Variants in AFG2A observed in about 807,000 individuals in gnomAD.
AFG2A encodes the protein AAA ATPase AFG2A, also known as ATPase family gene 2 protein homolog A.
the AFG2A span, among the ~76,000 whole-genome samples, chr4:123,052,640 C>T: frequency 6.6e-6 from 1 of 152,154 alleles, no homozygotes. Context: ...GTTTCCTGAG[C>T]CTGTGACCAC....
chr4:122,949,981 T>C, the AFG2A span, among the ~76,000 whole-genome samples: 1 of 152,244 alleles, frequency 6.6e-6, no homozygotes, highest in Non-Finnish European at 1.5e-5. Context: ...CCCAGTAGGT[T>C]GGTCCTGTGG....
the AFG2A span, among the ~76,000 whole-genome samples, chr4:123,006,706 T>C: frequency 3.9e-5 from 6 of 152,292 alleles, no homozygotes; most frequent in Admixed American, 3.9e-4. Flanking sequence ...ATTTTTATCT[T>C]CTTAAAATGT....
At chr4:123,156,124 A>T in the AFG2A span, among the ~76,000 whole-genome samples, 1 of 152,176 alleles carries the variant, frequency 6.6e-6, no homozygotes, top group Non-Finnish European at 1.5e-5. Flanking sequence ...TAAAGGGACT[A>T]ACACCCAGGA....
chr4:123,289,924 T>C, the AFG2A span, among the ~76,000 whole-genome samples: 1 of 152,280 alleles, frequency 6.6e-6, no homozygotes, highest in East Asian at 1.9e-4. Context: ...GGTAAACATA[T>C]GCCATGGTGG....
the AFG2A span, among the ~76,000 whole-genome samples, chr4:123,111,020 A>T: frequency 0.051 from 7,752 of 152,302 alleles, 629 homozygotes; most frequent in African/African-American, 0.17. Context: ...TAAAATTTAA[A>T]TTTTCATAAC....
the AFG2A span, among the ~76,000 whole-genome samples, chr4:123,082,516 CTTTTTTCTTTTTT>C: frequency 1.4e-5 from 1 of 72,332 alleles, no homozygotes; most frequent in African/African-American, 2.8e-5. Flanking sequence ...CTCTCTCTCT[CTTTTTTCTTTTTT>C]TTTTTTTTTG....
chr4:123,183,005 T>A, the AFG2A span, among the ~76,000 whole-genome samples: 1 of 152,186 alleles, frequency 6.6e-6, no homozygotes, highest in East Asian at 1.9e-4. Context: ...TACATCAGAA[T>A]CACCAGATAA....
chr4:123,142,365 A>T, the AFG2A span, among the ~76,000 whole-genome samples: 3 of 152,140 alleles, frequency 2.0e-5, no homozygotes, highest in Non-Finnish European at 4.4e-5. Context: ...GTCATGTTTT[A>T]TTCATGGCCT....
the AFG2A span, among the ~76,000 whole-genome samples, chr4:122,994,145 C>A: frequency 2.0e-5 from 3 of 151,992 alleles, no homozygotes; most frequent in African/African-American, 7.2e-5. Flanking sequence ...TCATGAAGCA[C>A]CTTTAGATTT....
chr4:122,944,384 T>A, the AFG2A span, among the ~76,000 whole-genome samples: 1 of 152,208 alleles, frequency 6.6e-6, no homozygotes, highest in Non-Finnish European at 1.5e-5. Context: ...ATTTCATTCA[T>A]GTCATCTTCC....
chr4:123,089,849 A>G, the AFG2A span, among the ~76,000 whole-genome samples: 1 of 152,162 alleles, frequency 6.6e-6, no homozygotes, highest in Non-Finnish European at 1.5e-5. Context: ...CGGCCTCCCA[A>G]AGGTTTTACA....
At chr4:123,053,806 G>T in the AFG2A span, among the ~76,000 whole-genome samples, 63,308 of 151,998 alleles carry the variant, frequency 0.42, 15,780 homozygotes, top group Non-Finnish European at 0.55. Flanking sequence ...TCTCCCAGCA[G>T]GTCTCAGCAC....
chr4:122,948,286 G>A, the AFG2A span, among the ~76,000 whole-genome samples: 3 of 151,628 alleles, frequency 2.0e-5, no homozygotes, highest in South Asian at 2.1e-4. Flanking sequence ...TGCCATTAAC[G>A]GGCTTGAGCA....
At chr4:123,092,714 G>T in the AFG2A span, among the ~76,000 whole-genome samples, 1 of 152,174 alleles carries the variant, frequency 6.6e-6, no homozygotes, top group Admixed American at 6.5e-5. Context: ...AGGAGCTCAT[G>T]TTTCTAAACT....
At chr4:122,925,101 C>T in the AFG2A span, among the ~76,000 whole-genome samples, 6 of 152,224 alleles carry the variant, frequency 3.9e-5, no homozygotes, top group East Asian at 1.2e-3. Flanking sequence ...CAGTTTTTCC[C>T]GCTGCAAAAT....
At chr4:123,087,630 C>T in the AFG2A span, among the ~76,000 whole-genome samples, 4 of 152,196 alleles carry the variant, frequency 2.6e-5, no homozygotes, top group African/African-American at 7.2e-5. Context: ...GGACCCCGCT[C>T]TATGACTCTC....
At chr4:123,262,849 A>G in the AFG2A span, among the ~76,000 whole-genome samples, 2 of 152,240 alleles carry the variant, frequency 1.3e-5, no homozygotes, top group Admixed American at 1.3e-4. Flanking sequence ...AGAATGCTAT[A>G]GGAGAAAGGA....
At chr4:123,124,828 T>C in the AFG2A span, among the ~76,000 whole-genome samples, 2 of 152,234 alleles carry the variant, frequency 1.3e-5, no homozygotes, top group African/African-American at 4.8e-5. Flanking sequence ...TGTAAGTGAA[T>C]GAATGAATTG....
chr4:123,123,951 C>CAA, the AFG2A span, among the ~76,000 whole-genome samples: 11,016 of 35,244 alleles, frequency 0.31, 2,074 homozygotes, highest in South Asian at 0.53. Flanking sequence ...AACTCCGTCT[C>CAA]AAAAAAAAAA....
Sources: gnomAD v4.1 joint callset for allele counts (sites outside exome capture counted in the v4.1 genomes callset) on GRCh38, gnomAD v4.1.1 for gene constraint, MANE v1.5 for transcripts, NCBI Gene and HGNC (gene_info 2026-07-23, HGNC 2026-07-21) for gene names.